The following DNAJB1 variants were observed in gnomAD, a reference collection of about 807,000 sequenced individuals.
DNAJB1 encodes dnaJ homolog subfamily B member 1.
A neutral mutation model predicts 24.0 loss-of-function variants in DNAJB1; 14 were observed. The ratio of observed to expected loss-of-function variants is 0.58; its 90% CI spans 0.39 to 0.91. The LOEUF (loss-of-function observed/expected upper bound fraction) is 0.91. DNAJB1 is among the 40% of genes least tolerant of loss of function. The pLI is 0.00. For missense variants in DNAJB1, 517 were observed against 458.1 expected (o/e 1.13, Z -1.17); for synonymous variants, 262 against 174.4 (o/e 1.50, Z -3.96).
At chr19:14,550,309 C>G (rs1030518244) in exon 1 of DNAJB1, among the ~76,000 whole-genome samples, 1 of 152,062 alleles carries the variant, frequency 6.6e-6, no homozygotes, top group Admixed American at 6.6e-5. Context: ...TAGCTGCCGC[C>G]GCGTGTATAA....
chr19:14,517,391 G>T, intron 1 of DNAJB1: 1 of 228,570 alleles, frequency 4.4e-6, no homozygotes, highest in Admixed American at 5.1e-5. Context: ...TTCGGTAAGT[G>T]TTTACTCTCA....
At chr19:14,558,977 G>T (rs2073826487) in intron 1 of DNAJB1, among the ~76,000 whole-genome samples, 1 of 152,158 alleles carries the variant, frequency 6.6e-6, no homozygotes, top group African/African-American at 2.4e-5. Flanking sequence ...TCAGGCCTGG[G>T]CAGGCGTGTG....
intron 1 of DNAJB1, among the ~76,000 whole-genome samples, chr19:14,545,534 C>T (rs529667607): frequency 9.9e-5 from 15 of 152,096 alleles, no homozygotes; most frequent in Non-Finnish European, 2.2e-4. Flanking sequence ...CTCTCTCAGT[C>T]GTGCGCACTG....
At chr19:14,529,525 G>A, upstream of DNAJB1, 1 of 860,196 alleles carries the variant, frequency 1.2e-6, no homozygotes, top group Non-Finnish European at 1.9e-6. Context: ...GGCGAACGTG[G>A]GCGCCTCGTG....
Position 14,516,917 on chromosome 19 carries a change from G to T in DNAJB1, c.341C>A (p.Thr114Asn). The T allele has an allele frequency of 6.2e-7, 1 of 1,614,072 alleles. No homozygotes were observed. Among genetic ancestry groups the T allele is most frequent in the Non-Finnish European group, 8.5e-7 (1 of 1,180,026 alleles). The change falls in exon 2 of 3, where the codon ACC becomes AAC. Residue 114 changes from threonine to asparagine, a missense_variant. Physicochemically the swap from Thr to Asn is moderately conservative, Grantham distance 65. Coordinates refer to ENST00000254322, the MANE Select transcript of DNAJB1 (RefSeq NM_006145.3). ...CTCCCCGTTCCGCTGCCCAAAAAAG[G>T]TGTCAAAGGGATTTCTGCCACCGAA... ...EFFGGRNPFD[T>N]FFGQRNGEEG...
chr19:14,534,455 T>G (rs2072791477), upstream of DNAJB1, among the ~76,000 whole-genome samples: 1 of 73,110 alleles, frequency 1.4e-5, no homozygotes, highest in African/African-American at 4.6e-5. Flanking sequence ...TTTTTTTTTG[T>G]GACAGAGTCT....
chr19:14,518,091 C>G (rs758278068), intron 1 of DNAJB1, 48 bp downstream of exon 1: 1 of 1,405,018 alleles, frequency 7.1e-7, no homozygotes, highest in Admixed American at 3.2e-5. Flanking sequence ...GCCTCAGTTT[C>G]CCTGTCTGTC....
chr19:14,528,252 C>CT (rs71166752), intron 1 of DNAJB1, among the ~76,000 whole-genome samples: 21,629 of 133,240 alleles, frequency 0.16, 1,860 homozygotes, highest in African/African-American at 0.22. Context: ...TTTCTTTTTT[C>CT]TTTTTTTTTT....
rs7258365 is a variant in DNAJB1, at chr19:14,515,660, G to A, written c.*280C>T. 9 of 408,910 alleles carry A rather than the reference G, an allele frequency of 2.2e-5. No individual in the cohort carries two copies. The highest frequency in any genetic ancestry group is 3.5e-5 in the Non-Finnish European group (8 of 227,826). 25.3% of individuals were successfully genotyped at this position (408,910 alleles called of 1,614,324 possible). On this transcript the variant is annotated 3_prime_UTR_variant, in exon 3 of 3. Coordinates refer to ENST00000254322, the MANE Select transcript of DNAJB1 (RefSeq NM_006145.3). ...TCTCACCCCTGGCCAGGGACTGGAG[G>A]TGGATGTGGGCCCATCCCGGGAGGG...
At chr19:14,533,007 C>T (rs1025965986), upstream of DNAJB1, among the ~76,000 whole-genome samples, 42 of 151,858 alleles carry the variant, frequency 2.8e-4, no homozygotes, top group African/African-American at 9.2e-4. Flanking sequence ...CTACTGGCTT[C>T]GAGGCTGAGG....
At chr19:14,534,182 T>C (rs2072777320), upstream of DNAJB1, 1 of 151,886 alleles carries the variant, frequency 6.6e-6, no homozygotes, top group Non-Finnish European at 1.5e-5. Context: ...TGGAGTGCAG[T>C]GGCTCCATCT....
In DNAJB1 at chr19:14,515,151, T is replaced by C. The variant is rs563962422; in HGVS notation, c.*789A>G. The C allele has an allele frequency of 2.6e-5, 4 of 152,726 alleles. No individual in the cohort carries two copies. The highest frequency in any genetic ancestry group is 3.4e-3 in the Middle Eastern group (1 of 294). 9.5% of individuals were successfully genotyped at this position (152,726 alleles called of 1,614,324 possible). ...TCCCTTTGAAAGAGTCCATAGTCCA[T>C]GAAACAAAAAATTACCTGGGCCACT... On this transcript the variant is annotated 3_prime_UTR_variant, in exon 3 of 3. Coordinates refer to ENST00000254322, the MANE Select transcript of DNAJB1 (RefSeq NM_006145.3).
chr19:14,538,871 G>A (rs770828787), intron 1 of DNAJB1, among the ~76,000 whole-genome samples: 3 of 151,836 alleles, frequency 2.0e-5, no homozygotes, highest in East Asian at 1.9e-4. Context: ...TCCACCAGGC[G>A]CCAGGAGACA....
chr19:14,559,888 T>C (rs906943264), intron 1 of DNAJB1, among the ~76,000 whole-genome samples: 1 of 152,060 alleles, frequency 6.6e-6, no homozygotes, highest in Non-Finnish European at 1.5e-5. Context: ...TAGGAGGAGA[T>C]GGCCGACGAG....
chr19:14,519,228 C>T (rs1463853880), upstream of DNAJB1, among the ~76,000 whole-genome samples: 1 of 152,058 alleles, frequency 6.6e-6, no homozygotes, highest in African/African-American at 2.4e-5. Flanking sequence ...ATTACCCGGG[C>T]GTTGGTGGCA....
chr19:14,523,183 G>A (rs1033642946), upstream of DNAJB1, among the ~76,000 whole-genome samples: 1 of 152,012 alleles, frequency 6.6e-6, no homozygotes, highest in African/African-American at 2.4e-5. Context: ...TCCAGCCTGG[G>A]CAACAGAGCC....
At chr19:14,541,993 G>A (rs558358583) in intron 1 of DNAJB1, among the ~76,000 whole-genome samples, 2 of 152,144 alleles carry the variant, frequency 1.3e-5, no homozygotes, top group Non-Finnish European at 2.9e-5. Context: ...ATGTTGGCCA[G>A]GCTGGTTTCG....
chr19:14,531,543 C>G (rs866771054), upstream of DNAJB1: 1 of 152,248 alleles, frequency 6.6e-6, no homozygotes, highest in South Asian at 2.1e-4. Context: ...CTGCCCCAGC[C>G]TCCTGAGTAG....
chr19:14,521,489 T>TAATAATAATAATAATAAA (rs2072359276), upstream of DNAJB1, among the ~76,000 whole-genome samples: 1 of 150,268 alleles, frequency 6.7e-6, no homozygotes, highest in African/African-American at 2.4e-5. Flanking sequence ...ATAATAATAA[T>TAATAATAATAATAATAAA]AAAAGTTTCT....
Sources: allele counts gnomAD v4.1 joint callset (sites outside exome capture counted in the v4.1 genomes callset), GRCh38; gene constraint gnomAD v4.1.1; transcripts MANE v1.5; gene names NCBI Gene and HGNC (gene_info 2026-07-23, HGNC 2026-07-21).